MBP: variants seen among roughly 807,000 people sequenced by gnomAD.
MBP encodes the protein myelin basic protein.
A neutral mutation model predicts 35.8 loss-of-function variants in MBP; 16 were observed. The observed-to-expected ratio is 0.45, with a 90% CI of 0.30 to 0.68. The LOEUF is 0.68. Among genes scored for constraint, MBP ranks in the 30% least tolerant of loss-of-function variants. The pLI, the probability that MBP is intolerant of heterozygous loss-of-function variation, is 0.08. For missense variants in MBP, 380 were observed against 404.7 expected, an observed-to-expected ratio of 0.94 and a Z score of 0.52; for synonymous variants, 143 against 159.6, an observed-to-expected ratio of 0.90 and a Z score of 0.78.
chr18:77,019,032 TCATCCATCCATCCATCCATCCATCCATC>T (rs10526394), intron 3 of MBP, among the ~76,000 whole-genome samples: 3 of 138,666 alleles, frequency 2.2e-5, no homozygotes, highest in Admixed American at 1.4e-4. Context: ...ACCTACCTGT[TCATCCATCCATCCATCCATCCATCCATC>T]CATCCATCCA....
chr18:76,980,104 T>C lies in MBP; in HGVS notation c.*323A>G. On this transcript the variant is annotated 3_prime_UTR_variant, in exon 9 of 9. Coordinates refer to ENST00000355994, the MANE Select transcript of MBP (RefSeq NM_001025101.2). ...CCACGGCGAAAAGAAAGTCCAAGGGTGGAGGGGTGAACGTGGAGGGACGTC... is the reference window on the plus strand; with the variant it reads ...CCACGGCGAAAAGAAAGTCCAAGGGCGGAGGGGTGAACGTGGAGGGACGTC... The C allele has an allele frequency of 1.4e-6, 1 of 690,510 alleles. No individual in the cohort carries two copies. Among genetic ancestry groups the C allele is most frequent in the Non-Finnish European group, 2.6e-6 (1 of 380,626 alleles). The allele number at this position is 690,510 out of a possible 1,614,324, so 42.8% of individuals were successfully genotyped here.
intron 3 of MBP, among the ~76,000 whole-genome samples, chr18:77,040,650 T>C (rs1281922516): frequency 4.6e-5 from 7 of 152,200 alleles, no homozygotes; most frequent in African/African-American, 1.4e-4. Flanking sequence ...ATCTGATCTT[T>C]CACAAACCTG....
At chr18:77,047,456 G>A (rs1034624185) in intron 3 of MBP, among the ~76,000 whole-genome samples, 10 of 152,216 alleles carry the variant, frequency 6.6e-5, no homozygotes, top group African/African-American at 2.2e-4. Context: ...ATTCGCAGTG[G>A]CCGGGGGCTG....
At chr18:77,130,527 C>T (rs1461393105) in intron 1 of MBP, among the ~76,000 whole-genome samples, 2 of 151,932 alleles carry the variant, frequency 1.3e-5, no homozygotes, top group African/African-American at 4.9e-5. Flanking sequence ...GATAAACACT[C>T]CCAGGCGACA....
At chr18:77,016,608 C>G (rs766574375) in intron 4 of MBP, 22 of 1,405,146 alleles carry the variant, frequency 1.6e-5, no homozygotes, top group African/African-American at 2.9e-5. Flanking sequence ...CACACCCCGG[C>G]CACCATCCCT....
At chr18:77,032,461 A>AC (rs1972577777) in intron 3 of MBP, among the ~76,000 whole-genome samples, 1 of 141,946 alleles carries the variant, frequency 7.0e-6, no homozygotes, top group Non-Finnish European at 1.6e-5. Context: ...CACATAGCTC[A>AC]CCCCTGGCAC....
intron 1 of MBP, among the ~76,000 whole-genome samples, chr18:77,128,521 CCA>C (rs56770189): frequency 0.037 from 5,413 of 147,384 alleles, 248 homozygotes; most frequent in East Asian, 0.15. Context: ...CACGTGCATA[CCA>C]CACACACACA....
chr18:77,083,905 A>C (rs1975084164), intron 2 of MBP, among the ~76,000 whole-genome samples: 1 of 152,158 alleles, frequency 6.6e-6, no homozygotes, highest in Non-Finnish European at 1.5e-5. Context: ...TCAATGTTGT[A>C]AAATGGACTG....
intron 4 of MBP, among the ~76,000 whole-genome samples, chr18:76,997,632 C>G (rs941382753): frequency 6.6e-6 from 1 of 152,150 alleles, no homozygotes; most frequent in Admixed American, 6.5e-5. Flanking sequence ...AGGCTGGTGA[C>G]GACCTCGGGC....
intron 4 of MBP, chr18:77,012,666 C>T: frequency 4.6e-6 from 2 of 438,718 alleles, no homozygotes; most frequent in Non-Finnish European, 6.1e-6. Context: ...CTCGGGTGCT[C>T]ACACTTACCT....
At chr18:77,018,920 G>A (rs1387372165) in intron 3 of MBP, among the ~76,000 whole-genome samples, 2 of 107,188 alleles carry the variant, frequency 1.9e-5, no homozygotes, top group Non-Finnish European at 3.7e-5. Context: ...ATCCACTCAT[G>A]TATTCATCCA....
rs569579786 is a variant in MBP at position 77,002,566 on chromosome 18, T to C, written c.577-12506A>G. On this transcript the variant is annotated intron_variant, in intron 4 of 8. Coordinates refer to ENST00000355994, the MANE Select transcript of MBP (RefSeq NM_001025101.2). The stretch of plus-strand genomic sequence containing the variant: ...TAGAGAAAGCAAGGCGTCTTGGTTT[T>C]AAAACACGAGGTGTGATCGTAAACC... 5.8e-4 allele frequency among the ~76,000 whole-genome samples: 88 copies of C among 152,194 alleles called. No homozygotes were observed. In the South Asian group the frequency reaches 0.018, roughly 32 times the overall value.
At chr18:77,069,658 G>A (rs1020434995) in intron 2 of MBP, among the ~76,000 whole-genome samples, 5 of 152,184 alleles carry the variant, frequency 3.3e-5, no homozygotes, top group African/African-American at 9.7e-5. Context: ...CTTTAAGTGC[G>A]TGGCGGGGGA....
intron 2 of MBP, chr18:77,066,655 A>G (rs1974212158): frequency 3.0e-6 from 2 of 659,766 alleles, no homozygotes; most frequent in East Asian, 6.4e-5. Flanking sequence ...CAGCCTAGGT[A>G]AAATAAATTA....
Position 77,046,187 on chromosome 18 carries a change from T to C in MBP, c.139+20111A>G, listed in dbSNP as rs142410057. ...GCATAGTTTTACTCCTTGGTAACAT[T>C]AAAACCTATAGAGACTTCACGTCCT... On this transcript the variant is annotated intron_variant, in intron 3 of 8. Coordinates refer to ENST00000355994, the MANE Select transcript of MBP (RefSeq NM_001025101.2). Among the ~76,000 whole-genome samples, 292 of 152,360 alleles carry C rather than the reference T, an allele frequency of 1.9e-3. 3 individuals carry two copies. Among genetic ancestry groups the C allele is most frequent in the African/African-American group, 6.5e-3 (270 of 41,584 alleles).
chr18:77,086,263 G>A (rs998741749), intron 2 of MBP, among the ~76,000 whole-genome samples: 1 of 152,172 alleles, frequency 6.6e-6, no homozygotes, highest in African/African-American at 2.4e-5. Flanking sequence ...ACCCATTCAA[G>A]AGCAAAATTA....
In MBP at chr18:77,000,979, G is replaced by A. The variant is rs570075520; in HGVS notation, c.577-10919C>T. On this transcript the variant is annotated intron_variant, in intron 4 of 8. Coordinates refer to ENST00000355994, the MANE Select transcript of MBP (RefSeq NM_001025101.2). ...AAAGATTAATATTCACGGGTGCCTGGAGTTGGTAAAAAAAGAGTTCAAGCT... is the reference window on the plus strand; with the variant it reads ...AAAGATTAATATTCACGGGTGCCTGAAGTTGGTAAAAAAAGAGTTCAAGCT... 2.7e-4 allele frequency among the ~76,000 whole-genome samples: 40 copies of A among 150,308 alleles called. No homozygotes were observed. The South Asian group carries it at 4.5e-3, about 17-fold the overall frequency.
intron 4 of MBP, chr18:77,013,235 C>T (rs1599062237): frequency 1.0e-6 from 1 of 985,450 alleles, no homozygotes; most frequent in East Asian, 1.1e-4. Flanking sequence ...AATGGAGGTA[C>T]TGAGTGGCTG....
intron 2 of MBP, among the ~76,000 whole-genome samples, chr18:77,071,702 C>T (rs1332101982): frequency 6.6e-6 from 1 of 152,142 alleles, no homozygotes; most frequent in East Asian, 1.9e-4. Context: ...CCCACCCATG[C>T]TTGCACCAAA....
Sources: allele counts gnomAD v4.1 joint callset (sites outside exome capture counted in the v4.1 genomes callset), GRCh38; gene constraint gnomAD v4.1.1; transcripts MANE v1.5; gene names NCBI Gene and HGNC (gene_info 2026-07-23, HGNC 2026-07-21).